ORC5: variants seen among roughly 807,000 people sequenced by gnomAD.
The protein encoded by ORC5 is origin recognition complex subunit 5.
Under a neutral mutation model 58.8 loss-of-function variants are expected in ORC5, and 39 were observed. That is an observed-to-expected ratio of 0.66 (90% confidence interval 0.51 to 0.87). The LOEUF (loss-of-function observed/expected upper bound fraction) is 0.87, where lower values mean the gene tolerates loss of function less well. Ranked by LOEUF, ORC5 falls within the 40% of genes least tolerant of loss-of-function variation. The pLI is 0.00. For synonymous variants in ORC5, 218 were observed against 177.6 expected (o/e 1.23, Z -1.81); for missense variants, 493 against 506.3 (o/e 0.97, Z 0.25).
Position 104,188,360 on chromosome 7 carries a change from G to C in ORC5, c.575C>G (p.Ser192Cys). Residue 192 changes from serine (S) to cysteine (C), a missense_variant, in exon 6 of 14, where the codon TCC (serine) becomes TGC (cysteine). Coordinates refer to ENST00000297431, the MANE Select transcript of ORC5 (RefSeq NM_002553.4). ...TGAATACTCTGGAGGATGATCATGG[G>C]ACAGGATCTTTTGAAGGTTGCCTGT... ...YSIGNLQKIL[S>C]HDHPPEYSAD... 6.2e-7 allele frequency: 1 copy of C among 1,608,280 alleles called. No homozygotes were observed. Among genetic ancestry groups the C allele is most frequent in the Middle Eastern group, 1.7e-4 (1 of 6,040 alleles).
At chr7:104,195,276 A>T in intron 4 of ORC5, 22 bp from the exon 5 acceptor site, 1 of 1,401,280 alleles carries the variant, frequency 7.1e-7, no homozygotes, top group Non-Finnish European at 9.7e-7. Flanking sequence ...AAGAAATAAA[A>T]GTAACTTCGC....
Position 104,204,152 on chromosome 7 carries a change from T to G in ORC5, c.155A>C (p.Lys52Thr), listed in dbSNP as rs745480413. ...TATTTTTATTCTTACCTCTAAAGTT[T>G]TCAACAACGTTTGTGTTACATAGGT... ...GKTYVTQTLL[K>T]TLELPHVFVN... is the part of the protein sequence containing the mutation. Residue 52 changes from lysine to threonine, a missense_variant, in exon 2 of 14, where the codon AAA becomes ACA. Lys to Thr is a moderately conservative substitution (Grantham distance 78). Transcript: ENST00000297431. 3.2e-6 allele frequency: 5 copies of G among 1,557,112 alleles called. No homozygotes were observed. In the South Asian group the frequency reaches 4.8e-5, roughly 15 times the overall value.
At position 104,195,955 on chromosome 7, in the gene ORC5, C is replaced by T. The variant is rs144887592; in HGVS notation, c.442-701G>A. Among the ~76,000 whole-genome samples the T allele has an allele frequency of 4.1e-3, 621 of 152,088 alleles. 3 individuals carry two copies. Among genetic ancestry groups the T allele is most frequent in the Non-Finnish European group, 6.9e-3 (466 of 68,004 alleles). ...TGATATCCACCATATTTTAAACTTC[C>T]CTTTACTTAGATAAATACTTAACAT... is the stretch of plus-strand genomic sequence containing the variant. On this transcript the variant is annotated intron_variant, in intron 4 of 13. Coordinates refer to ENST00000297431, the MANE Select transcript of ORC5 (RefSeq NM_002553.4).
intron 4 of ORC5, among the ~76,000 whole-genome samples, chr7:104,197,174 T>C (rs564841069): frequency 1.1e-3 from 163 of 152,350 alleles, no homozygotes; most frequent in African/African-American, 3.7e-3. Context: ...AATGTTATAA[T>C]GAAATGATGC....
intron 12 of ORC5, among the ~76,000 whole-genome samples, chr7:104,157,687 T>C (rs1798949314): frequency 6.6e-6 from 1 of 152,058 alleles, no homozygotes; most frequent in African/African-American, 2.4e-5. Flanking sequence ...TGCCATATAT[T>C]TTCCCCAGAG....
intron 8 of ORC5, among the ~76,000 whole-genome samples, chr7:104,176,947 G>A (rs1471358170): frequency 1.3e-5 from 2 of 152,130 alleles, no homozygotes; most frequent in African/African-American, 4.8e-5. Context: ...AACAATCTTT[G>A]TTTGTGTAAC....
intron 10 of ORC5, among the ~76,000 whole-genome samples, chr7:104,166,252 G>A (rs1799105135): frequency 6.6e-6 from 1 of 152,038 alleles, no homozygotes; most frequent in Non-Finnish European, 1.5e-5. Flanking sequence ...GAGCTTTCCA[G>A]AAAGACAGAA....
chr7:104,129,774 T>C lies in ORC5; in HGVS notation c.1263-2881A>G, dbSNP rs1274061326. 6.6e-6 allele frequency among the ~76,000 whole-genome samples: 1 copy of C among 152,178 alleles called. No homozygotes were observed. Among genetic ancestry groups the C allele is most frequent in the East Asian group, 1.9e-4 (1 of 5,198 alleles). On this transcript the variant is annotated intron_variant, in intron 13 of 13. Transcript: ENST00000297431. The surrounding 1 kb of genome is among the most constrained non-coding windows in gnomAD (Gnocchi z 4.9). Reference sequence around the variant, plus strand: ...CTTTGGGATAACTTTCAATATACTATGGGAGATTCTCCCACAGAACATAAA... The same window carrying C: ...CTTTGGGATAACTTTCAATATACTACGGGAGATTCTCCCACAGAACATAAA...
chr7:104,198,035 G>A (rs1799843983), intron 3 of ORC5, among the ~76,000 whole-genome samples: 1 of 152,102 alleles, frequency 6.6e-6, no homozygotes, highest in Non-Finnish European at 1.5e-5. Context: ...TATTATAAAA[G>A]GGACTTCTGC....
At chr7:104,144,994 C>T (rs574889414) in intron 12 of ORC5, among the ~76,000 whole-genome samples, 5 of 152,160 alleles carry the variant, frequency 3.3e-5, no homozygotes, top group South Asian at 2.1e-4. Flanking sequence ...GAGGTGGGGC[C>T]GAGCCTTTCC....
In ORC5 at chr7:104,138,910, A is replaced by G. The variant is rs1798631567; in HGVS notation, c.1150-2017T>C. Among the ~76,000 whole-genome samples the G allele has an allele frequency of 6.6e-6, 1 of 152,264 alleles. No homozygotes were observed. Among genetic ancestry groups the G allele is most frequent in the African/African-American group, 2.4e-5 (1 of 41,476 alleles). ...TTTTGATAGGTCAAAATCAAAGTACAAAATCACTTAACATTCATATGGCCA... is the reference window on the plus strand; with the variant it reads ...TTTTGATAGGTCAAAATCAAAGTACGAAATCACTTAACATTCATATGGCCA... On this transcript the variant is annotated intron_variant, in intron 12 of 13. Transcript: ENST00000297431. The surrounding 1 kb of genome is among the most constrained non-coding windows in gnomAD (Gnocchi z 4.7).
At chr7:104,201,950 C>A (rs1285894849) in intron 2 of ORC5, among the ~76,000 whole-genome samples, 1 of 151,862 alleles carries the variant, frequency 6.6e-6, no homozygotes, top group Non-Finnish European at 1.5e-5. Context: ...ATTAGACAGG[C>A]CTGGTGGTGC....
intron 2 of ORC5, among the ~76,000 whole-genome samples, chr7:104,203,071 T>C (rs915967521): frequency 5.9e-5 from 9 of 152,186 alleles, no homozygotes; most frequent in African/African-American, 1.7e-4. Flanking sequence ...GAAGAAAACC[T>C]GGCAAAATAA....
intron 12 of ORC5, among the ~76,000 whole-genome samples, chr7:104,148,121 C>A (rs1798790400): frequency 6.6e-6 from 1 of 152,108 alleles, no homozygotes; most frequent in East Asian, 1.9e-4. Context: ...AGACATTGTG[C>A]ATCCTCAATT....
intron 13 of ORC5, among the ~76,000 whole-genome samples, chr7:104,131,726 C>A (rs1283034372): frequency 6.6e-6 from 1 of 152,048 alleles, no homozygotes; most frequent in Non-Finnish European, 1.5e-5. Flanking sequence ...GTGGCACACG[C>A]CTGTAATCCC....
At chr7:104,161,227 A>G in intron 11 of ORC5, 45 bp from the exon 12 acceptor site, 2 of 1,043,242 alleles carry the variant, frequency 1.9e-6, no homozygotes, top group South Asian at 1.3e-5. Flanking sequence ...CTTATACCAG[A>G]GCACTCACTT....
intron 12 of ORC5, among the ~76,000 whole-genome samples, chr7:104,156,115 C>T (rs900263944): frequency 6.6e-6 from 1 of 151,570 alleles, no homozygotes; most frequent in African/African-American, 2.4e-5. Context: ...AGAATTAATG[C>T]TTTGTCACCC....
chr7:104,178,032 G>A (rs192223967), intron 8 of ORC5, among the ~76,000 whole-genome samples: 1 of 152,246 alleles, frequency 6.6e-6, no homozygotes, highest in African/African-American at 2.4e-5. Flanking sequence ...AATAAACATA[G>A]GTGTGCATTT....
chr7:104,179,109 AT>A (rs34769476), intron 8 of ORC5, among the ~76,000 whole-genome samples: 65,282 of 138,398 alleles, frequency 0.47, 15,893 homozygotes, highest in Non-Finnish European at 0.55. Context: ...AGAAAAGTGA[AT>A]TTTTTTTTTT....
Sources: allele counts gnomAD v4.1 joint callset (sites outside exome capture counted in the v4.1 genomes callset), GRCh38; gene constraint gnomAD v4.1.1; non-coding constraint Gnocchi (gnomAD v3.1); transcripts MANE v1.5; gene names NCBI Gene and HGNC (gene_info 2026-07-23, HGNC 2026-07-21).